Variants in HADHA observed in about 807,000 individuals in gnomAD.
The protein encoded by HADHA is hydroxyacyl-CoA dehydrogenase trifunctional multienzyme complex subunit alpha.
Under a neutral mutation model 91.3 loss-of-function variants are expected in HADHA, and 59 were observed. That is an observed-to-expected ratio of 0.65 (90% CI 0.52 to 0.80). The LOEUF (loss-of-function observed/expected upper bound fraction) is 0.80. Among genes scored for constraint, HADHA ranks in the 30% least tolerant of loss-of-function variants. HADHA has a pLI of 0.00. For synonymous variants in HADHA, 320 were observed against 338.9 expected (o/e 0.94, Z 0.61); for missense variants, 800 against 927.6 (o/e 0.86, Z 1.79).
At chr2:26,232,029 G>A in intron 6 of HADHA, 131 bp downstream of exon 6, 1 of 714,098 alleles carries the variant, frequency 1.4e-6, no homozygotes, top group South Asian at 1.5e-5. Flanking sequence ...AATAAAGTCT[G>A]TCACTGATCC....
At chr2:26,240,644 A>G (rs1670868084) in intron 1 of HADHA, among the ~76,000 whole-genome samples, 1 of 152,098 alleles carries the variant, frequency 6.6e-6, no homozygotes, top group South Asian at 2.1e-4. Flanking sequence ...GGGTTGCAAT[A>G]TTTCAAAAAC....
chr2:26,198,964 A>T (rs1669756823), intron 13 of HADHA, among the ~76,000 whole-genome samples: 1 of 151,080 alleles, frequency 6.6e-6, no homozygotes, highest in Admixed American at 6.6e-5. Context: ...GTGCAATCTC[A>T]GCTCACCGCA....
intron 14 of HADHA, among the ~76,000 whole-genome samples, chr2:26,196,037 G>A (rs1669661807): frequency 6.6e-6 from 1 of 152,198 alleles, no homozygotes; most frequent in Non-Finnish European, 1.5e-5. Context: ...GGTACAACAA[G>A]TGATATCTGT....
rs1295460029 is a variant in HADHA at position 26,210,308 on chromosome 2, C to G, written c.976-419G>C. Among the ~76,000 whole-genome samples, 1 of 152,148 alleles carries G rather than the reference C, an allele frequency of 6.6e-6. No homozygotes were observed. The highest frequency in any genetic ancestry group is 2.4e-5 in the African/African-American group (1 of 41,428). On this transcript the variant is annotated intron_variant, in intron 10 of 19. Transcript: ENST00000380649. The surrounding 1 kb of genome is among the most constrained non-coding windows in gnomAD (Gnocchi z 4.0). ...TCAAGGCTATACTGCCTCAAAGTGG[C>G]AGAAATGGAACTTGAACCAAGACAG...
Position 26,239,153 on chromosome 2 carries a change from A to C in HADHA, c.68-10T>G, listed in dbSNP as rs144414842. ...TTGCGGCATATATAACCTGTAAGAA[A>C]AGACATTTCAAAATTAATTTGCGAA... is the stretch of plus-strand genomic sequence containing the variant. On this transcript the variant is annotated splice_polypyrimidine_tract_variant and intron_variant, in intron 1 of 19. Coordinates refer to ENST00000380649, the MANE Select transcript of HADHA (RefSeq NM_000182.5). 1,297 of 1,577,612 alleles carry C rather than the reference A, an allele frequency of 8.2e-4. 3 individuals carry two copies. The African/African-American group carries it at 0.012, about 14-fold the overall frequency.
At chr2:26,235,891 A>G (rs1192173348) in intron 4 of HADHA, among the ~76,000 whole-genome samples, 1 of 152,218 alleles carries the variant, frequency 6.6e-6, no homozygotes, top group East Asian at 1.9e-4. Flanking sequence ...TTAGCAGAGG[A>G]AAAGAAAATA....
intron 7 of HADHA, 100 bp downstream of exon 7, chr2:26,230,092 G>A (rs1281481949): frequency 4.3e-5 from 32 of 751,896 alleles, no homozygotes; most frequent in South Asian, 3.2e-4. Flanking sequence ...CAAAGTGCTG[G>A]GATTACAGGT....
chr2:26,244,563 G>A lies in HADHA; in HGVS notation c.34C>T (p.Arg12Cys). 6.3e-7 allele frequency: 1 copy of A among 1,588,136 alleles called. No homozygotes were observed. The highest frequency in any genetic ancestry group is 2.3e-5 in the East Asian group (1 of 43,506). Residue 12 changes from arginine to cysteine, a missense_variant, in exon 1 of 20, where the codon CGC becomes TGC. Coordinates refer to ENST00000380649, the MANE Select transcript of HADHA (RefSeq NM_000182.5). ...CGGAGGATCCTGAAGGCAGAAAAGC[G>A]GCTGAGGATGCCAATCGCCCGGCAG... Reference protein sequence around the residue: ...VACRAIGILSRFSAFRILRSR... With the variant: ...VACRAIGILSCFSAFRILRSR...
intron 7 of HADHA, among the ~76,000 whole-genome samples, chr2:26,224,170 C>T (rs1219457846): frequency 6.6e-6 from 1 of 152,200 alleles, no homozygotes; most frequent in Non-Finnish European, 1.5e-5. Flanking sequence ...CACTTGTATG[C>T]TAATCTACCA....
chr2:26,232,265 G>A lies in HADHA; in HGVS notation c.468C>T (p.Cys156=). ...LGGGLEVAIS[C]QYRIATKDRK... ...TGTCTTTTGTTGCTATTCTGTATTG[G>A]CATGAAATGGCAACCTTTGAACAAA... The change falls in exon 6 of 20, where the codon TGC becomes TGT. Residue 156 remains cysteine, a synonymous_variant. Transcript: ENST00000380649. 1.3e-6 allele frequency: 2 copies of A among 1,599,624 alleles called. No individual in the cohort carries two copies. Among genetic ancestry groups the A allele is most frequent in the Middle Eastern group, 1.7e-4 (1 of 6,032 alleles).
rs768080276 is a variant in HADHA at position 26,221,608 on chromosome 2, A to G, written c.677-6433T>C. ...AAAGGCACAAGCTGCATGAGGAAGT[A>G]GCCAAAATACCCCACGGCCCTGTTC... On this transcript the variant is annotated intron_variant, in intron 7 of 19. Coordinates refer to ENST00000380649, the MANE Select transcript of HADHA (RefSeq NM_000182.5). The surrounding 1 kb of genome is among the most constrained non-coding windows in gnomAD (Gnocchi z 4.8). 7.2e-5 allele frequency among the ~76,000 whole-genome samples: 11 copies of G among 152,198 alleles called. No homozygotes were observed. Among genetic ancestry groups the G allele is most frequent in the Non-Finnish European group, 1.3e-4 (9 of 68,034 alleles).
rs762700531 is a variant in HADHA, at chr2:26,201,205, C to T, written c.1336G>A (p.Glu446Lys). 6.2e-7 allele frequency: 1 copy of T among 1,613,950 alleles called. No homozygotes were observed. Among genetic ancestry groups the T allele is most frequent in the Non-Finnish European group, 8.5e-7 (1 of 1,179,802 alleles). The stretch of plus-strand genomic sequence containing the variant: ...AGACTAAGGTCCTCAAACACAGCTT[C>T]AATCACCATGTCGGCCTTTTCAAAA... ...QGFEKADMVI[E>K]AVFEDLSLKH... Residue 446 changes from glutamate to lysine, a missense_variant, in exon 13 of 20, where the codon GAA (glutamate) becomes AAA (lysine). By Grantham distance (56) the Glu-to-Lys change is moderately conservative. Coordinates refer to ENST00000380649, the MANE Select transcript of HADHA (RefSeq NM_000182.5).
chr2:26,194,264 T>A (rs1190809169), intron 16 of HADHA, among the ~76,000 whole-genome samples: 1 of 152,116 alleles, frequency 6.6e-6, no homozygotes, highest in Non-Finnish European at 1.5e-5. Flanking sequence ...AAGCGGGCCC[T>A]GTTCTGGATG....
At chr2:26,243,960 A>G (rs571117425) in intron 1 of HADHA, among the ~76,000 whole-genome samples, 1 of 152,356 alleles carries the variant, frequency 6.6e-6, no homozygotes, top group East Asian at 1.9e-4. Flanking sequence ...GAAATTCAAA[A>G]TACTATACGT....
At chr2:26,220,023 C>T (rs999072706) in intron 7 of HADHA, among the ~76,000 whole-genome samples, 3 of 152,186 alleles carry the variant, frequency 2.0e-5, no homozygotes, top group Non-Finnish European at 4.4e-5. Flanking sequence ...CTTTCTCCTA[C>T]CCTTCCCCAA....
At chr2:26,219,854 G>A (rs1397022742) in intron 7 of HADHA, among the ~76,000 whole-genome samples, 2 of 152,316 alleles carry the variant, frequency 1.3e-5, no homozygotes, top group African/African-American at 2.4e-5. Context: ...ATCTGTATAA[G>A]CAGAAGAATT....
Position 26,230,307 on chromosome 2 carries a change from C to A in HADHA, c.574-13G>T, listed in dbSNP as rs1025386078. 6.5e-7 allele frequency: 1 copy of A among 1,530,384 alleles called. No homozygotes were observed. The highest frequency in any genetic ancestry group is 9.1e-7 in the Non-Finnish European group (1 of 1,104,160). 94.8% of individuals were successfully genotyped at this position (1,530,384 alleles called of 1,614,324 possible). A position where few individuals can be genotyped will look rare whatever the true frequency, so the allele number is the denominator to read the frequency against. On this transcript the variant is annotated splice_polypyrimidine_tract_variant and intron_variant, in intron 6 of 19. Transcript: ENST00000380649. ...CAGGCACACCCACCTAACAGGCAAGCAAGGATGAGAATATAGGGGGAAAAA... is the reference window on the plus strand; with the variant it reads ...CAGGCACACCCACCTAACAGGCAAGAAAGGATGAGAATATAGGGGGAAAAA...
chr2:26,192,718 G>A (rs1669545417), intron 17 of HADHA, among the ~76,000 whole-genome samples: 3 of 152,002 alleles, frequency 2.0e-5, no homozygotes, highest in African/African-American at 7.3e-5. Flanking sequence ...CTGGGCAACA[G>A]TGTGAGACTC....
intron 7 of HADHA, among the ~76,000 whole-genome samples, chr2:26,217,415 G>A (rs908098235): frequency 6.6e-6 from 1 of 152,082 alleles, no homozygotes; most frequent in African/African-American, 2.4e-5. Context: ...AATAGCCAAA[G>A]AAGTCTCCAA....
Sources: gnomAD v4.1 joint callset for allele counts (sites outside exome capture counted in the v4.1 genomes callset) on GRCh38, gnomAD v4.1.1 for gene constraint, Gnocchi (gnomAD v3.1) non-coding constraint, MANE v1.5 for transcripts, NCBI Gene and HGNC (gene_info 2026-07-23, HGNC 2026-07-21) for gene names.